SRGAP3: variants seen among roughly 807,000 people sequenced by gnomAD.
The protein encoded by SRGAP3 is SLIT-ROBO Rho GTPase-activating protein 3.
In SRGAP3, 39 loss-of-function variants were observed where a neutral mutation model predicts 121.1. The ratio of observed to expected loss-of-function variants is 0.32; its 90% confidence interval spans 0.25 to 0.42. The LOEUF is 0.42. SRGAP3 is among the 10% of genes least tolerant of loss of function. The probability of loss-of-function intolerance (pLI) is 1.00; values close to 1 mark genes in which losing one functional copy is unlikely to be tolerated. For missense variants in SRGAP3, 1,213 were observed against 1,470.6 expected (o/e 0.82, Z 2.86); for synonymous variants, 601 against 570.0 (o/e 1.05, Z -0.77).
chr3:9,341,762 G>A (rs1402919349), intron 1 of SRGAP3, among the ~76,000 whole-genome samples: 1 of 152,184 alleles, frequency 6.6e-6, no homozygotes, highest in African/African-American at 2.4e-5. Context: ...GCCTCCCAAA[G>A]TGTTGAGATT....
Position 8,981,031 on chromosome 3 carries a change from C to A in SRGAP3, c.*4488G>T, listed in dbSNP as rs750220217. Reference sequence around the variant, plus strand: ...TTTGTTATTGGCCGGGGACAACTCACACAGAAAGGAGGTGTCAACAAGGGG... The same window carrying A: ...TTTGTTATTGGCCGGGGACAACTCAAACAGAAAGGAGGTGTCAACAAGGGG... On this transcript the variant is annotated 3_prime_UTR_variant, in exon 22 of 22. Transcript: ENST00000383836. The A allele has an allele frequency of 4.3e-6, 1 of 233,092 alleles. No individual in the cohort carries two copies. Among genetic ancestry groups the A allele is most frequent in the African/African-American group, 2.2e-5 (1 of 45,308 alleles). The allele number at this position is 233,092 out of a possible 1,614,324, so 14.4% of individuals were successfully genotyped here.
In SRGAP3 at chr3:9,109,087, G is replaced by A. The variant is rs1281037575; in HGVS notation, c.261-4245C>T. 6.6e-6 allele frequency among the ~76,000 whole-genome samples: 1 copy of A among 152,180 alleles called. No individual in the cohort carries two copies. The highest frequency in any genetic ancestry group is 2.4e-5 in the African/African-American group (1 of 41,428). On this transcript the variant is annotated intron_variant, in intron 2 of 21. Transcript: ENST00000383836. The surrounding 1 kb of genome is among the most constrained non-coding windows in gnomAD (Gnocchi z 4.4). ...TCATTTTCACTGCTTCCTAGGTGGT[G>A]ATGGAAATGGAAAGATTAAAGGAGA...
chr3:9,345,232 T>A (rs886812587), intron 1 of SRGAP3, among the ~76,000 whole-genome samples: 1 of 152,156 alleles, frequency 6.6e-6, no homozygotes, highest in Non-Finnish European at 1.5e-5. Context: ...GGCTCACACA[T>A]GTAATCTCAG....
intron 3 of SRGAP3, chr3:9,257,597 A>G (rs970112950): frequency 3.9e-5 from 6 of 152,026 alleles, no homozygotes; most frequent in African/African-American, 9.6e-5. Flanking sequence ...AATAATAACA[A>G]TGTGCAAAAG....
chr3:9,090,098 G>A (rs371313126), intron 3 of SRGAP3, among the ~76,000 whole-genome samples: 5 of 152,026 alleles, frequency 3.3e-5, no homozygotes, highest in East Asian at 1.9e-4. Flanking sequence ...AAATACTAAC[G>A]TAATCCATGC....
intron 3 of SRGAP3, among the ~76,000 whole-genome samples, chr3:9,307,975 C>T (rs1176697614): frequency 1.3e-5 from 2 of 152,264 alleles, no homozygotes; most frequent in African/African-American, 4.8e-5. Context: ...GCCAATATGG[C>T]GAAACCCCGT....
rs144408393 is a variant in SRGAP3 at position 9,185,708 on chromosome 3, T to G, written c.68-60791A>C. ...CACTCAAGTAGCACTAAGGCCTGAC[T>G]AATTTTTTTTTTGAGACAGGGTCTT... On this transcript the variant is annotated intron_variant, in intron 1 of 21. Coordinates refer to ENST00000383836, the MANE Select transcript of SRGAP3 (RefSeq NM_014850.4). 3.3e-5 allele frequency among the ~76,000 whole-genome samples: 5 copies of G among 152,050 alleles called. No individual in the cohort carries two copies. The East Asian group carries it at 9.7e-4, about 29-fold the overall frequency.
At chr3:9,050,747 C>T (rs1945527540) in intron 9 of SRGAP3, among the ~76,000 whole-genome samples, 1 of 152,234 alleles carries the variant, frequency 6.6e-6, no homozygotes, top group Non-Finnish European at 1.5e-5. Context: ...TCTTCATGTG[C>T]ATGTTGTAAC....
chr3:9,080,753 C>A lies in SRGAP3; in HGVS notation c.424-666G>T, dbSNP rs564650322. Among the ~76,000 whole-genome samples, 5 of 152,146 alleles carry A rather than the reference C, an allele frequency of 3.3e-5. No individual in the cohort carries two copies. In the East Asian group the frequency reaches 7.7e-4, roughly 24 times the overall value. On this transcript the variant is annotated intron_variant, in intron 3 of 21. Coordinates refer to ENST00000383836, the MANE Select transcript of SRGAP3 (RefSeq NM_014850.4). Reference sequence around the variant, plus strand: ...CGTCCTCGAACCCTGGTGTGAACTGCGCATGTGGGGGATCTAGGTTGCACG... The same window carrying A: ...CGTCCTCGAACCCTGGTGTGAACTGAGCATGTGGGGGATCTAGGTTGCACG...
chr3:9,239,676 T>C lies in SRGAP3; in HGVS notation c.67+9209A>G, dbSNP rs988530843. ...GCATATTGATTAGGGCTGCACTGTT[T>C]CCAAATTACCATTTAAATCAATGGT... On this transcript the variant is annotated intron_variant, in intron 1 of 21. Coordinates refer to ENST00000383836, the MANE Select transcript of SRGAP3 (RefSeq NM_014850.4). The surrounding 1 kb of genome is among the most constrained non-coding windows in gnomAD (Gnocchi z 4.0). Among the ~76,000 whole-genome samples, 2 of 152,234 alleles carry C rather than the reference T, an allele frequency of 1.3e-5. No individual in the cohort carries two copies. Among genetic ancestry groups the C allele is most frequent in the Non-Finnish European group, 2.9e-5 (2 of 68,038 alleles).
At chr3:9,252,856 TGGTA>T (rs1000876691), upstream of SRGAP3, among the ~76,000 whole-genome samples, 1 of 152,234 alleles carries the variant, frequency 6.6e-6, no homozygotes, top group Non-Finnish European at 1.5e-5. Flanking sequence ...CAAATAAATG[TGGTA>T]GGTGTGAGGG....
At chr3:9,155,976 C>T (rs1950403269) in intron 1 of SRGAP3, among the ~76,000 whole-genome samples, 1 of 152,100 alleles carries the variant, frequency 6.6e-6, no homozygotes, top group Non-Finnish European at 1.5e-5. Context: ...CCACCACGCC[C>T]CGCTAATTTT....
intron 1 of SRGAP3, among the ~76,000 whole-genome samples, chr3:9,356,748 C>A (rs1000115675): frequency 6.6e-6 from 1 of 151,726 alleles, no homozygotes; most frequent in Non-Finnish European, 1.5e-5. Flanking sequence ...GCTCAAGCAA[C>A]CCACCTGCCT....
At chr3:9,258,326 C>T (rs1444791502) in intron 3 of SRGAP3, among the ~76,000 whole-genome samples, 1 of 152,070 alleles carries the variant, frequency 6.6e-6, no homozygotes, top group African/African-American at 2.4e-5. Flanking sequence ...ACTGCATGAG[C>T]CAAGGGGACA....
chr3:9,348,551 G>A (rs1034988948), intron 1 of SRGAP3: 25 of 776,378 alleles, frequency 3.2e-5, no homozygotes, highest in Non-Finnish European at 5.6e-5. Context: ...GGGCCATAAG[G>A]AGGCGAAGTG....
intron 3 of SRGAP3, among the ~76,000 whole-genome samples, chr3:9,291,109 C>G (rs1209398179): frequency 1.3e-5 from 2 of 152,038 alleles, no homozygotes; most frequent in African/African-American, 4.8e-5. Context: ...CAATAAAATT[C>G]CCCCCTGAAT....
intron 2 of SRGAP3, among the ~76,000 whole-genome samples, chr3:9,122,756 G>C (rs12634676): frequency 0.47 from 70,555 of 151,084 alleles, 16,667 homozygotes; most frequent in African/African-American, 0.52. Context: ...AAAGAAGCAC[G>C]GTATTTGCAA....
intron 12 of SRGAP3, chr3:9,028,095 A>T (rs1329119852): frequency 1.2e-6 from 2 of 1,614,054 alleles, no homozygotes; most frequent in Non-Finnish European, 1.7e-6. Flanking sequence ...CTTTCTAGTA[A>T]ATACCTGGTT....
At chr3:9,237,200 T>C (rs967019425) in intron 1 of SRGAP3, among the ~76,000 whole-genome samples, 1 of 152,320 alleles carries the variant, frequency 6.6e-6, no homozygotes, top group South Asian at 2.1e-4. Flanking sequence ...CCTATAATCA[T>C]TCATTCGTTC....
Sources: gnomAD v4.1 joint callset for allele counts (sites outside exome capture counted in the v4.1 genomes callset) on GRCh38, gnomAD v4.1.1 for gene constraint, Gnocchi (gnomAD v3.1) non-coding constraint, MANE v1.5 for transcripts, NCBI Gene and HGNC (gene_info 2026-07-23, HGNC 2026-07-21) for gene names.